DPP10: variants seen among roughly 807,000 people sequenced by gnomAD.
The protein encoded by DPP10 is inactive dipeptidyl peptidase 10.
DPP10 carries 33 observed loss-of-function variants against 120.9 expected under a neutral mutation model. The observed-to-expected ratio is 0.27, with a 90% CI of 0.21 to 0.37. The LOEUF is 0.37. Among genes scored for constraint, DPP10 ranks in the 10% least tolerant of loss-of-function variants. The probability of loss-of-function intolerance (pLI) is 1.00; values close to 1 mark genes in which losing one functional copy is unlikely to be tolerated. For synonymous variants in DPP10, 337 were observed against 326.1 expected (o/e 1.03, Z -0.36); for missense variants, 816 against 942.8 (o/e 0.87, Z 1.76).
chr2:115,032,076 C>T (rs2105246370), intron 1 of DPP10, among the ~76,000 whole-genome samples: 1 of 152,156 alleles, frequency 6.6e-6, no homozygotes, highest in Admixed American at 6.5e-5. Context: ...TCAACATAGT[C>T]TGTATGGCAG....
At chr2:114,642,685 G>C (rs1160068960) in intron 1 of DPP10, among the ~76,000 whole-genome samples, 4 of 151,368 alleles carry the variant, frequency 2.6e-5, no homozygotes, top group Non-Finnish European at 5.9e-5. Flanking sequence ...TGAAGTGAAA[G>C]CTTCACCTTT....
chr2:115,380,987 T>G (rs1182253022), intron 3 of DPP10, among the ~76,000 whole-genome samples: 1 of 152,186 alleles, frequency 6.6e-6, no homozygotes, highest in East Asian at 1.9e-4. Context: ...CCCTTAACAT[T>G]TTTTCCTTCA....
chr2:115,638,910 A>G (rs2086562913), intron 5 of DPP10, among the ~76,000 whole-genome samples: 1 of 152,218 alleles, frequency 6.6e-6, no homozygotes, highest in African/African-American at 2.4e-5. Context: ...AGAAAGAATC[A>G]CTGGCTGGTT....
chr2:115,067,555 A>T (rs1192861286), intron 1 of DPP10, among the ~76,000 whole-genome samples: 7 of 139,420 alleles, frequency 5.0e-5, no homozygotes, highest in African/African-American at 1.8e-4. Flanking sequence ...CCCAGCCAGA[A>T]TTTCCTCTTT....
At chr2:114,851,450 T>A (rs891393843) in intron 1 of DPP10, among the ~76,000 whole-genome samples, 4 of 152,210 alleles carry the variant, frequency 2.6e-5, no homozygotes, top group African/African-American at 9.6e-5. Flanking sequence ...TTCCATTTTA[T>A]AGGAGCTATT....
chr2:114,451,747 A>T (rs1208390893), intron 1 of DPP10, among the ~76,000 whole-genome samples: 1 of 152,140 alleles, frequency 6.6e-6, no homozygotes, highest in Non-Finnish European at 1.5e-5. Flanking sequence ...TAAATGCAAT[A>T]CAGCAGGGAC....
At chr2:114,660,595 A>G (rs1163035176) in intron 1 of DPP10, among the ~76,000 whole-genome samples, 1 of 152,214 alleles carries the variant, frequency 6.6e-6, no homozygotes, top group East Asian at 1.9e-4. Flanking sequence ...AACTCATTAG[A>G]AAGTGACCTT....
intron 4 of DPP10, among the ~76,000 whole-genome samples, chr2:115,522,455 A>G (rs2077869543): frequency 6.6e-6 from 1 of 152,206 alleles, no homozygotes; most frequent in Non-Finnish European, 1.5e-5. Flanking sequence ...AACACATAAG[A>G]TTCGCTTGAA....
intron 3 of DPP10, among the ~76,000 whole-genome samples, chr2:115,431,792 T>G (rs1281553214): frequency 6.6e-6 from 1 of 152,084 alleles, no homozygotes; most frequent in Non-Finnish European, 1.5e-5. Flanking sequence ...TCACTCCTTG[T>G]AGATCTGAAT....
intron 7 of DPP10, among the ~76,000 whole-genome samples, chr2:115,724,097 C>T (rs2092711378): frequency 6.6e-6 from 1 of 152,060 alleles, no homozygotes; most frequent in Non-Finnish European, 1.5e-5. Flanking sequence ...TGTGAGAGTG[C>T]TGCTATTGTA....
chr2:114,696,095 A>G (rs1250549860), intron 1 of DPP10, among the ~76,000 whole-genome samples: 2 of 152,048 alleles, frequency 1.3e-5, no homozygotes, highest in Non-Finnish European at 2.9e-5. Context: ...AAAATTTGTT[A>G]TTGAGGTTCT....
chr2:115,279,362 G>T (rs1441377901), intron 1 of DPP10, among the ~76,000 whole-genome samples: 1 of 152,084 alleles, frequency 6.6e-6, no homozygotes, highest in Non-Finnish European at 1.5e-5. Flanking sequence ...AGAAAAACAG[G>T]AGGAGGAGGA....
At chr2:114,890,482 A>G (rs1308148577) in intron 1 of DPP10, among the ~76,000 whole-genome samples, 1 of 152,198 alleles carries the variant, frequency 6.6e-6, no homozygotes, top group Non-Finnish European at 1.5e-5. Flanking sequence ...TAGAACATAC[A>G]CAATAGGTAA....
chr2:115,700,313 G>T (rs576060161), intron 7 of DPP10, among the ~76,000 whole-genome samples: 3 of 151,696 alleles, frequency 2.0e-5, no homozygotes, highest in African/African-American at 7.3e-5. Context: ...CTACATTAAT[G>T]AAATTAAAGA....
intron 1 of DPP10, among the ~76,000 whole-genome samples, chr2:115,173,268 A>C (rs1414695327): frequency 9.9e-5 from 15 of 152,162 alleles, no homozygotes; most frequent in East Asian, 1.9e-4. Context: ...AGATAAATAC[A>C]ATCTAGGATT....
chr2:114,839,051 A>G (rs1687955014), intron 1 of DPP10, among the ~76,000 whole-genome samples: 1 of 152,210 alleles, frequency 6.6e-6, no homozygotes, highest in Non-Finnish European at 1.5e-5. Flanking sequence ...ATCTAATTAT[A>G]GAATTTTGAC....
At chr2:114,508,633 G>A (rs1683877052) in intron 1 of DPP10, among the ~76,000 whole-genome samples, 1 of 152,104 alleles carries the variant, frequency 6.6e-6, no homozygotes, top group Admixed American at 6.6e-5. Context: ...ACAATGGGAA[G>A]TATAGCACAT....
chr2:115,477,825 A>G (rs979673486), intron 3 of DPP10, among the ~76,000 whole-genome samples: 1 of 152,174 alleles, frequency 6.6e-6, no homozygotes, highest in Non-Finnish European at 1.5e-5. Flanking sequence ...TATTATACAT[A>G]TAAAGACATA....
intron 13 of DPP10, among the ~76,000 whole-genome samples, chr2:115,770,304 A>G (rs762454282): frequency 5.9e-5 from 9 of 152,244 alleles, no homozygotes; most frequent in Non-Finnish European, 1.3e-4. Flanking sequence ...TTCTCAGTCA[A>G]ACCAGCCTAA....
Sources: allele counts gnomAD v4.1 joint callset (sites outside exome capture counted in the v4.1 genomes callset), GRCh38; gene constraint gnomAD v4.1.1; transcripts MANE v1.5; gene names NCBI Gene and HGNC (gene_info 2026-07-23, HGNC 2026-07-21).